MYH10: variants seen among roughly 807,000 people sequenced by gnomAD.
MYH10 encodes myosin heavy chain 10.
A neutral mutation model predicts 257.8 loss-of-function variants in MYH10; 55 were observed. The ratio of observed to expected loss-of-function variants is 0.21; its 90% confidence interval spans 0.17 to 0.27. The LOEUF (loss-of-function observed/expected upper bound fraction) is 0.27, where lower values mean the gene tolerates loss of function less well. Ranked by LOEUF, MYH10 falls within the 10% of genes least tolerant of loss-of-function variation. The pLI is 1.00. For missense variants in MYH10, 1,631 were observed against 2,500.6 expected (o/e 0.65, Z 7.42); for synonymous variants, 854 against 921.7 (o/e 0.93, Z 1.33).
chr17:8,592,972 A>T lies in MYH10; in HGVS notation c.503-3864T>A, dbSNP rs201680256. ...ATATATATATATATATATATATATA[A>T]AAGATGATGCACAGAAAGAACAAAT... On this transcript the variant is annotated intron_variant, in intron 3 of 42. Coordinates refer to ENST00000360416, the MANE Select transcript of MYH10 (RefSeq NM_001256012.3). Among the ~76,000 whole-genome samples, 64 of 25,940 alleles carry T rather than the reference A, an allele frequency of 2.5e-3. 2 individuals are homozygous for T. Among genetic ancestry groups the T allele is most frequent in the South Asian group, 0.012 (6 of 506 alleles). 17.0% of individuals were successfully genotyped at this position (25,940 alleles called of 152,430 possible). A position where few individuals can be genotyped will look rare whatever the true frequency, so the allele number is the denominator to read the frequency against.
At chr17:8,497,374 T>A (rs1360423418) in intron 30 of MYH10, among the ~76,000 whole-genome samples, 18 of 152,214 alleles carry the variant, frequency 1.2e-4, no homozygotes, top group Admixed American at 1.2e-3. Context: ...ACATTAAAGT[T>A]ATTTCCAACC....
At chr17:8,561,552 A>C in intron 7 of MYH10, 1 of 1,143,770 alleles carries the variant, frequency 8.7e-7, no homozygotes, top group Admixed American at 1.7e-5. Flanking sequence ...GTGCTGCCCC[A>C]TGTCTCCCAC....
At chr17:8,593,968 C>T (rs1402076915) in intron 3 of MYH10, among the ~76,000 whole-genome samples, 1 of 152,058 alleles carries the variant, frequency 6.6e-6, no homozygotes, top group Non-Finnish European at 1.5e-5. Context: ...GTGATACTGG[C>T]AAAAGGAAAG....
At chr17:8,520,830 C>A in intron 19 of MYH10, 48 bp downstream of exon 19, 1 of 1,537,916 alleles carries the variant, frequency 6.5e-7, no homozygotes, top group South Asian at 1.2e-5. Context: ...TAATTCATAT[C>A]AAGATAAACT....
At chr17:8,600,032 G>C (rs957688260) in intron 3 of MYH10, among the ~76,000 whole-genome samples, 1 of 152,178 alleles carries the variant, frequency 6.6e-6, no homozygotes, top group East Asian at 1.9e-4. Context: ...GAGAGTGGGA[G>C]GACCAAGGTA....
intron 42 of MYH10, 111 bp downstream of exon 42, chr17:8,476,765 A>G: frequency 8.5e-7 from 1 of 1,174,372 alleles, no homozygotes; most frequent in Non-Finnish European, 1.2e-6. Flanking sequence ...GGGAGAAAGA[A>G]TGGGTCACTG....
At chr17:8,561,153 A>T in intron 7 of MYH10, 1 of 633,072 alleles carries the variant, frequency 1.6e-6, no homozygotes, top group East Asian at 2.7e-5. Context: ...ATAAAAACTC[A>T]GTAACAAAAA....
chr17:8,593,850 T>C (rs1181988662), intron 3 of MYH10, among the ~76,000 whole-genome samples: 6 of 152,078 alleles, frequency 3.9e-5, no homozygotes, highest in Non-Finnish European at 7.4e-5. Context: ...TTTATACCTA[T>C]GGAAAGACAA....
chr17:8,528,424 G>C (rs564529442), intron 17 of MYH10, among the ~76,000 whole-genome samples: 1 of 152,246 alleles, frequency 6.6e-6, no homozygotes, highest in African/African-American at 2.4e-5. Context: ...GAAGAAAACA[G>C]TCCTTGACTT....
At position 8,486,543 on chromosome 17, in the gene MYH10, CAAAAAAAAAAAAAAAAAA is replaced by C. The variant is rs67844660; in HGVS notation, c.5046+872_5046+889del. On this transcript the variant is annotated intron_variant, in intron 36 of 42. Transcript: ENST00000360416. ...AAAAAAAAATCTTTATATTTAGCTT[CAAAAAAAAAAAAAAAAAA>C]AAAAAAAAAAAAAAAAAAATGGAAA... 4.1e-3 allele frequency among the ~76,000 whole-genome samples: 498 copies of C among 120,722 alleles called. 15 individuals carry two copies. Among genetic ancestry groups the C allele is most frequent in the South Asian group, 0.017 (66 of 3,904 alleles). The allele number at this position is 120,722 out of a possible 152,430, so 79.2% of individuals were successfully genotyped here.
rs544667158 is a variant in MYH10 at position 8,523,056 on chromosome 17, C to T, written c.1958-1771G>A. Among the ~76,000 whole-genome samples the T allele has an allele frequency of 2.0e-5, 3 of 152,292 alleles. No homozygotes were observed. In the South Asian group the frequency reaches 6.2e-4, roughly 32 times the overall value. On this transcript the variant is annotated intron_variant, in intron 17 of 42. Transcript: ENST00000360416. ...GGATCCCAAATCAATTCATCTGCAA[C>T]CCTTCTAGAATAAGGCACAATACAA... is the stretch of plus-strand genomic sequence containing the variant.
At chr17:8,539,530 T>C (rs1330993131) in intron 14 of MYH10, among the ~76,000 whole-genome samples, 2 of 152,130 alleles carry the variant, frequency 1.3e-5, no homozygotes, top group South Asian at 4.2e-4. Context: ...CTATATACTA[T>C]CTCATATCCC....
At chr17:8,503,010 C>T (rs1354635735) in intron 28 of MYH10, among the ~76,000 whole-genome samples, 6 of 152,176 alleles carry the variant, frequency 3.9e-5, no homozygotes, top group Non-Finnish European at 5.9e-5. Context: ...GGGCTGGGCG[C>T]GGTGGCTCAC....
chr17:8,529,227 CT>C (rs2081947589), intron 17 of MYH10, among the ~76,000 whole-genome samples: 1 of 152,206 alleles, frequency 6.6e-6, no homozygotes, highest in Non-Finnish European at 1.5e-5. Flanking sequence ...TCGCCACCCC[CT>C]ATCCATCCAT....
rs2082105822 is a variant in MYH10, at chr17:8,535,133, GTGGC to G, written c.1894+250_1894+253del. On this transcript the variant is annotated intron_variant, in intron 16 of 42. Transcript: ENST00000360416. This position sits in a 1 kb window ranked among gnomAD's most constrained non-coding sequence, Gnocchi z 4.3. ...GCCTAAGTCATACGTGTACGTCTTT[GTGGC>G]TCCGGGCCTAGAATGTTTCTGTACT... is the stretch of plus-strand genomic sequence containing the variant. Among the ~76,000 whole-genome samples, 1 of 152,112 alleles carries G rather than the reference GTGGC, an allele frequency of 6.6e-6. No homozygotes were observed.
chr17:8,592,816 GAA>G (rs67151329), intron 3 of MYH10, among the ~76,000 whole-genome samples: 64 of 30,422 alleles, frequency 2.1e-3, no homozygotes, highest in African/African-American at 7.0e-3. Flanking sequence ...AATGAAATCA[GAA>G]AAAAAAAAAA....
intron 7 of MYH10, chr17:8,561,579 A>G (rs2082997259): frequency 2.5e-6 from 2 of 808,942 alleles, no homozygotes; most frequent in South Asian, 2.7e-5. Context: ...CCATGTAAGG[A>G]GCTGAGTTCT....
chr17:8,501,550 T>C (rs1355639852), intron 28 of MYH10, among the ~76,000 whole-genome samples: 1 of 152,150 alleles, frequency 6.6e-6, no homozygotes, highest in African/African-American at 2.4e-5. Context: ...GACGTTGCAG[T>C]GTAACAAAGC....
chr17:8,612,190 C>G (rs1462281684), intron 2 of MYH10, among the ~76,000 whole-genome samples: 1 of 152,126 alleles, frequency 6.6e-6, no homozygotes, highest in Non-Finnish European at 1.5e-5. Context: ...CAACTGTGTT[C>G]AAGTCACCTT....
Sources: allele counts gnomAD v4.1 joint callset (sites outside exome capture counted in the v4.1 genomes callset), GRCh38; gene constraint gnomAD v4.1.1; non-coding constraint Gnocchi (gnomAD v3.1); transcripts MANE v1.5; gene names NCBI Gene and HGNC (gene_info 2026-07-23, HGNC 2026-07-21).